Variants in CTNND2 observed in about 807,000 individuals in gnomAD.
CTNND2 encodes the protein catenin delta 2.
Under a neutral mutation model 144.4 loss-of-function variants are expected in CTNND2, and 22 were observed. The observed-to-expected ratio is 0.15, with a 90% CI of 0.11 to 0.22. The LOEUF (loss-of-function observed/expected upper bound fraction) is 0.22. Among genes scored for constraint, CTNND2 ranks in the 10% least tolerant of loss-of-function variants. CTNND2 has a pLI of 1.00. For missense variants in CTNND2, 1,353 were observed against 1,618.8 expected, an observed-to-expected ratio of 0.84 and a Z score of 2.82; for synonymous variants, 751 against 695.6, an observed-to-expected ratio of 1.08 and a Z score of -1.25.
At chr5:11,175,609 TTTAAG>T (rs1303316163) in intron 11 of CTNND2, among the ~76,000 whole-genome samples, 1 of 146,384 alleles carries the variant, frequency 6.8e-6, no homozygotes, top group Non-Finnish European at 1.5e-5. Context: ...TTGATGGACA[TTTAAG>T]TTGTTTCTTT....
At chr5:11,377,110 G>T (rs1431518262) in intron 7 of CTNND2, among the ~76,000 whole-genome samples, 1 of 151,768 alleles carries the variant, frequency 6.6e-6, no homozygotes, top group Non-Finnish European at 1.5e-5. Context: ...GAGTGCAATG[G>T]CACGATCTTG....
chr5:11,780,222 C>T (rs1235457972), intron 1 of CTNND2, among the ~76,000 whole-genome samples: 1 of 152,182 alleles, frequency 6.6e-6, no homozygotes, highest in Non-Finnish European at 1.5e-5. Context: ...CAGTCCTCAT[C>T]TCCTCTGCTC....
At chr5:11,551,437 T>C (rs199513001) in intron 3 of CTNND2, among the ~76,000 whole-genome samples, 4,255 of 32,082 alleles carry the variant, frequency 0.13, 144 homozygotes, top group Middle Eastern at 0.25. Context: ...TTTTTCTTTT[T>C]TTTTTTTTTT....
At chr5:11,277,282 G>T (rs1402157426) in intron 9 of CTNND2, among the ~76,000 whole-genome samples, 1 of 151,708 alleles carries the variant, frequency 6.6e-6, no homozygotes, top group Non-Finnish European at 1.5e-5. Flanking sequence ...CCCTTTTACT[G>T]AGAACAACAG....
chr5:11,299,030 A>G (rs139735314), intron 9 of CTNND2, among the ~76,000 whole-genome samples: 1 of 152,318 alleles, frequency 6.6e-6, no homozygotes, highest in Non-Finnish European at 1.5e-5. Context: ...GTACAAACAC[A>G]TAAATGCTCA....
intron 3 of CTNND2, among the ~76,000 whole-genome samples, chr5:11,514,253 T>C (rs1287185889): frequency 4.6e-5 from 7 of 152,108 alleles, no homozygotes; most frequent in Admixed American, 4.6e-4. Context: ...TATACACATA[T>C]ATATATAAGA....
At chr5:11,001,425 G>A (rs1739952126) in intron 18 of CTNND2, among the ~76,000 whole-genome samples, 1 of 152,166 alleles carries the variant, frequency 6.6e-6, no homozygotes, top group Non-Finnish European at 1.5e-5. Context: ...CTGTGAGGCA[G>A]CAAGGGTGCC....
chr5:11,557,827 C>T lies in CTNND2; in HGVS notation c.287+7117G>A, dbSNP rs1428051553. 3.9e-5 allele frequency among the ~76,000 whole-genome samples: 6 copies of T among 152,280 alleles called. No homozygotes were observed. The East Asian group carries it at 1.2e-3, about 29-fold the overall frequency. ...ACCTCAAGCAGCAACGAATTTTCTT[C>T]CACCTAATAATCCTTGGAACCATGC... On this transcript the variant is annotated intron_variant, in intron 3 of 21. Coordinates refer to ENST00000304623, the MANE Select transcript of CTNND2 (RefSeq NM_001332.4).
At chr5:11,289,487 C>T (rs750641420) in intron 9 of CTNND2, among the ~76,000 whole-genome samples, 7 of 152,236 alleles carry the variant, frequency 4.6e-5, no homozygotes, top group Non-Finnish European at 7.3e-5. Context: ...AGTATGCTCA[C>T]AAAAGAGCAA....
intron 9 of CTNND2, among the ~76,000 whole-genome samples, chr5:11,343,172 A>G (rs1292259532): frequency 6.6e-6 from 1 of 152,200 alleles, no homozygotes; most frequent in African/African-American, 2.4e-5. Flanking sequence ...AGAAAATCCC[A>G]ACCCCTCAGA....
rs535991439 is a variant in CTNND2, at chr5:11,637,385, C to A, written c.175-72329G>T. ...ACAATGCCAGTTGAGAAGTTGGCAT[C>A]TACAACCACAAAATGTAAGTTAAAA... is the stretch of plus-strand genomic sequence containing the variant. On this transcript the variant is annotated intron_variant, in intron 2 of 21. Coordinates refer to ENST00000304623, the MANE Select transcript of CTNND2 (RefSeq NM_001332.4). Among the ~76,000 whole-genome samples the A allele has an allele frequency of 2.0e-5, 3 of 152,328 alleles. No homozygotes were observed. In the South Asian group the frequency reaches 6.2e-4, roughly 32 times the overall value.
intron 7 of CTNND2, among the ~76,000 whole-genome samples, chr5:11,383,170 T>C (rs1481294187): frequency 1.3e-5 from 2 of 152,016 alleles, no homozygotes; most frequent in Non-Finnish European, 2.9e-5. Context: ...CTGATTTCTT[T>C]CATGAGGTAA....
chr5:11,171,099 A>G (rs373776404), intron 11 of CTNND2, among the ~76,000 whole-genome samples: 1 of 152,216 alleles, frequency 6.6e-6, no homozygotes, highest in South Asian at 2.1e-4. Flanking sequence ...GACAGAGCCA[A>G]ACTATATCAG....
intron 18 of CTNND2, among the ~76,000 whole-genome samples, chr5:10,992,904 A>G (rs1738863670): frequency 1.3e-5 from 2 of 152,038 alleles, no homozygotes; most frequent in Admixed American, 1.3e-4. Context: ...TTCCTTCATG[A>G]ATGTTGAATA....
intron 9 of CTNND2, among the ~76,000 whole-genome samples, chr5:11,317,541 T>C (rs1486083079): frequency 6.6e-6 from 1 of 152,234 alleles, no homozygotes; most frequent in Non-Finnish European, 1.5e-5. Flanking sequence ...CTATGGTACT[T>C]TGTCCACTGA....
intron 16 of CTNND2, among the ~76,000 whole-genome samples, chr5:11,047,625 G>A (rs1176924516): frequency 6.6e-6 from 1 of 152,144 alleles, no homozygotes; most frequent in Non-Finnish European, 1.5e-5. Context: ...TCCATTGCTT[G>A]CTGCTCTGGT....
intron 1 of CTNND2, among the ~76,000 whole-genome samples, chr5:11,756,081 A>G (rs1386913082): frequency 6.6e-6 from 1 of 151,638 alleles, no homozygotes; most frequent in Non-Finnish European, 1.5e-5. Flanking sequence ...TGTTCCTTCA[A>G]AAAGACTGCT....
intron 12 of CTNND2, among the ~76,000 whole-genome samples, chr5:11,146,343 A>G (rs1757242614): frequency 6.6e-6 from 1 of 152,170 alleles, no homozygotes; most frequent in Admixed American, 6.5e-5. Context: ...GACTGGCTGC[A>G]GAGTTCAGTG....
chr5:11,723,354 T>C (rs1786794317), intron 2 of CTNND2, among the ~76,000 whole-genome samples: 1 of 151,982 alleles, frequency 6.6e-6, no homozygotes, highest in South Asian at 2.1e-4. Context: ...ATTAAATGAG[T>C]TTTGATTGAG....
Sources: allele counts gnomAD v4.1 joint callset (sites outside exome capture counted in the v4.1 genomes callset), GRCh38; gene constraint gnomAD v4.1.1; transcripts MANE v1.5; gene names NCBI Gene and HGNC (gene_info 2026-07-23, HGNC 2026-07-21).